Variants in SLC20A2 observed in about 807,000 individuals in gnomAD.
The protein encoded by SLC20A2 is solute carrier family 20 member 2.
In SLC20A2, 30 loss-of-function variants were observed where a neutral mutation model predicts 61.0. That is an observed-to-expected ratio of 0.49 (90% CI 0.37 to 0.67). The LOEUF (loss-of-function observed/expected upper bound fraction) is 0.67. SLC20A2 is among the 30% of genes least tolerant of loss of function. The probability of loss-of-function intolerance (pLI) is 0.00; values close to 1 mark genes in which losing one functional copy is unlikely to be tolerated. For missense variants in SLC20A2, 626 were observed against 866.4 expected, an observed-to-expected ratio of 0.72 and a Z score of 3.48; for synonymous variants, 351 against 353.3, an observed-to-expected ratio of 0.99 and a Z score of 0.07.
chr8:42,492,880 G>A (rs536826563), intron 1 of SLC20A2, among the ~76,000 whole-genome samples: 33 of 152,130 alleles, frequency 2.2e-4, no homozygotes, highest in South Asian at 1.7e-3. Context: ...ACGGGGTTTC[G>A]CTGTGTTAGC....
intron 10 of SLC20A2, among the ~76,000 whole-genome samples, chr8:42,420,825 C>G (rs563895147): frequency 6.6e-6 from 1 of 152,292 alleles, no homozygotes; most frequent in South Asian, 2.1e-4. Context: ...TTTTCATCAT[C>G]CCACGGGGAA....
intron 8 of SLC20A2, among the ~76,000 whole-genome samples, chr8:42,433,942 T>C (rs1449329641): frequency 1.3e-5 from 2 of 152,230 alleles, no homozygotes; most frequent in Non-Finnish European, 2.9e-5. Context: ...CTGTTTTCCA[T>C]AGTGGTTACA....
intron 1 of SLC20A2, among the ~76,000 whole-genome samples, chr8:42,533,661 T>TCTTTTC (rs1316387052): frequency 3.4e-5 from 4 of 118,048 alleles, no homozygotes; most frequent in South Asian, 3.1e-4. Flanking sequence ...GTTCTTTTTT[T>TCTTTTC]TTTTTTTTTT....
rs146905140 is a variant in SLC20A2, at chr8:42,438,278, C to T, written c.935-701G>A. 3.9e-3 allele frequency among the ~76,000 whole-genome samples: 587 copies of T among 152,052 alleles called. 2 individuals carry two copies. Among genetic ancestry groups the T allele is most frequent in the African/African-American group, 0.014 (571 of 41,456 alleles). On this transcript the variant is annotated intron_variant, in intron 7 of 10. Coordinates refer to ENST00000520262, the MANE Select transcript of SLC20A2 (RefSeq NM_001257180.2). ...AGAAACTTCATACATGAGACAAAAC[C>T]CACTTCGTGTGAGGTAGATATTCCA...
Position 42,439,651 on chromosome 8 carries a change from T to C in SLC20A2, c.733A>G (p.Lys245Glu). ...CPWMRRKITG[K>E]LQKEGALSRV... The stretch of plus-strand genomic sequence containing the variant: ...GATAAAGCACCTTCTTTTTGTAATT[T>C]GCCTAAAGAAAACAAAGTCATACTG... Residue 245 changes from lysine to glutamate, a missense_variant and splice_region_variant, in exon 7 of 11, where the codon AAA (lysine) becomes GAA (glutamate). Physicochemically the swap from Lys to Glu is moderately conservative, Grantham distance 56 (BLOSUM62 1). Coordinates refer to ENST00000520262, the MANE Select transcript of SLC20A2 (RefSeq NM_001257180.2). 1 of 1,613,102 alleles carries C rather than the reference T, an allele frequency of 6.2e-7. No individual in the cohort carries two copies. The highest frequency in any genetic ancestry group is 8.5e-7 in the Non-Finnish European group (1 of 1,179,022).
chr8:42,508,118 C>T (rs1454875418), intron 1 of SLC20A2, among the ~76,000 whole-genome samples: 8 of 152,004 alleles, frequency 5.3e-5, no homozygotes, highest in Non-Finnish European at 1.2e-4. Context: ...GAGCCAAGAT[C>T]GTGCCACTGC....
At chr8:42,456,687 A>G (rs10104602) in intron 5 of SLC20A2, among the ~76,000 whole-genome samples, 107,511 of 148,384 alleles carry the variant, frequency 0.72, 40,295 homozygotes, top group African/African-American at 0.93. Context: ...AGCTGAGATC[A>G]TGCCATTGCA....
chr8:42,520,855 G>A (rs1811599914), intron 1 of SLC20A2, among the ~76,000 whole-genome samples: 1 of 121,094 alleles, frequency 8.3e-6, no homozygotes, highest in African/African-American at 2.5e-5. Flanking sequence ...CATTAAAAGG[G>A]ATTCATTAAG....
intron 5 of SLC20A2, among the ~76,000 whole-genome samples, chr8:42,447,138 T>C (rs1267150832): frequency 6.6e-6 from 1 of 150,710 alleles, no homozygotes; most frequent in Non-Finnish European, 1.5e-5. Context: ...AGCCAGGAGT[T>C]CAAGACCATC....
chr8:42,435,263 T>C, intron 8 of SLC20A2, among the ~76,000 whole-genome samples: 1 of 152,198 alleles, frequency 6.6e-6, no homozygotes, highest in Admixed American at 6.5e-5. Flanking sequence ...ACAGCAGAGT[T>C]GCAGCTGCAC....
At chr8:42,460,442 G>A (rs1472837022) in intron 4 of SLC20A2, among the ~76,000 whole-genome samples, 3 of 152,296 alleles carry the variant, frequency 2.0e-5, no homozygotes, top group Non-Finnish European at 2.9e-5. Context: ...CATCCTCTAA[G>A]AGAGTCAGAT....
chr8:42,479,692 G>A (rs960575055), intron 1 of SLC20A2, among the ~76,000 whole-genome samples: 18 of 152,098 alleles, frequency 1.2e-4, no homozygotes, highest in Admixed American at 3.3e-4. Context: ...TGGCATGGCA[G>A]TGTGCATCTG....
At chr8:42,434,729 T>C (rs1804115762) in intron 8 of SLC20A2, among the ~76,000 whole-genome samples, 1 of 152,140 alleles carries the variant, frequency 6.6e-6, no homozygotes, top group South Asian at 2.1e-4. Flanking sequence ...TCTAGAATGG[T>C]GCTTTCACCA....
At chr8:42,488,431 G>A (rs534108892) in intron 1 of SLC20A2, among the ~76,000 whole-genome samples, 38 of 151,620 alleles carry the variant, frequency 2.5e-4, no homozygotes, top group Non-Finnish European at 3.1e-4. Context: ...CTTGTGATCC[G>A]CCCGCCTCAG....
chr8:42,485,642 CAAAAAAAAAAAA>C (rs941111189), intron 1 of SLC20A2, among the ~76,000 whole-genome samples: 6 of 27,844 alleles, frequency 2.2e-4, no homozygotes, highest in South Asian at 2.6e-3. Context: ...AACTCCGTCT[CAAAAAAAAAAAA>C]AAAAAAAAAA....
At chr8:42,423,729 T>C (rs1803201453) in intron 10 of SLC20A2, among the ~76,000 whole-genome samples, 1 of 152,226 alleles carries the variant, frequency 6.6e-6, no homozygotes, top group South Asian at 2.1e-4. Flanking sequence ...TTTTATGTAT[T>C]TAGTTACATG....
At chr8:42,430,314 G>T in intron 8 of SLC20A2, 65 bp from the exon 9 acceptor site, 2 of 1,376,286 alleles carry the variant, frequency 1.5e-6, no homozygotes, top group South Asian at 1.4e-5. Context: ...TGATACAGGT[G>T]ACTTTGTTTT....
chr8:42,427,734 G>A (rs1268413276), intron 10 of SLC20A2, among the ~76,000 whole-genome samples: 1 of 152,184 alleles, frequency 6.6e-6, no homozygotes, highest in East Asian at 1.9e-4. Flanking sequence ...CCTGACCTGG[G>A]TGTTTGAAGC....
rs377698705 is a variant in SLC20A2, at chr8:42,469,829, G to A, written c.289+2273C>T. ...TGTAATCCCAGCTACTTAGGAGGCT[G>A]AGGCAGGAGAATCGCTTGAACCCAG... On this transcript the variant is annotated intron_variant, in intron 2 of 10. Transcript: ENST00000520262. Among the ~76,000 whole-genome samples, 4 of 151,764 alleles carry A rather than the reference G, an allele frequency of 2.6e-5. No individual in the cohort carries two copies. The East Asian group carries it at 5.8e-4, about 22-fold the overall frequency.
Sources: allele counts gnomAD v4.1 joint callset (sites outside exome capture counted in the v4.1 genomes callset), GRCh38; gene constraint gnomAD v4.1.1; transcripts MANE v1.5; gene names NCBI Gene and HGNC (gene_info 2026-07-23, HGNC 2026-07-21).